The following SLC16A6 variants were observed in gnomAD, a reference collection of about 807,000 sequenced individuals.
SLC16A6 encodes solute carrier family 16 member 6, also known as monocarboxylate transporter 7.
In SLC16A6, 15 loss-of-function variants were observed where a neutral mutation model predicts 33.8. The ratio of observed to expected loss-of-function variants is 0.44; its 90% CI spans 0.30 to 0.68. The LOEUF (loss-of-function observed/expected upper bound fraction) is 0.68, where lower values mean the gene tolerates loss of function less well. Ranked by LOEUF, SLC16A6 falls within the 30% of genes least tolerant of loss-of-function variation. The probability of loss-of-function intolerance (pLI) is 0.10; values close to 1 mark genes in which losing one functional copy is unlikely to be tolerated. For synonymous variants in SLC16A6, 219 were observed against 248.4 expected (o/e 0.88, Z 1.11); for missense variants, 451 against 661.5 (o/e 0.68, Z 3.49).
Position 68,270,977 on chromosome 17 carries a change from T to C in SLC16A6, c.1183A>G (p.Met395Val), listed in dbSNP as rs2075320495. 8 of 1,614,088 alleles carry C rather than the reference T, an allele frequency of 5.0e-6. 1 individual carries two copies. Among genetic ancestry groups the C allele is most frequent in the Non-Finnish European group, 6.8e-6 (8 of 1,180,022 alleles). The stretch of plus-strand genomic sequence containing the variant: ...TGAGTCCCTCCTATTGTTCCAACCA[T>C]AAACCCAAAAAATATGCTGCATGAC... ...LMSCSIFFGF[M>V]VGTIGGTHIP... The change falls in exon 5 of 6, where the codon ATG becomes GTG. Residue 395 changes from methionine (M) to valine (V), a missense_variant. By Grantham distance (21) the Met-to-Val change is conservative. Around this residue, in one of 2 missense-constraint regions of SLC16A6, gnomAD observed 405 missense variants for 510.7 expected, o/e 0.79. Coordinates refer to ENST00000580666, the MANE Select transcript of SLC16A6 (RefSeq NM_004694.5).
chr17:68,280,157 G>A (rs1234298613), intron 1 of SLC16A6, among the ~76,000 whole-genome samples: 2 of 145,526 alleles, frequency 1.4e-5, no homozygotes, highest in Admixed American at 1.4e-4. Flanking sequence ...ACTCCAGCCT[G>A]GGCAATAGAG....
chr17:68,273,722 AAAACCCTT>A (rs1390848896), intron 3 of SLC16A6, among the ~76,000 whole-genome samples, 197 bp downstream of exon 3: 2 of 152,206 alleles, frequency 1.3e-5, no homozygotes, highest in African/African-American at 4.8e-5. Context: ...AGATCAAACA[AAAACCCTT>A]GGGCACTTGA....
chr17:68,289,847 A>C (rs1446547621), intron 1 of SLC16A6, among the ~76,000 whole-genome samples: 1 of 152,136 alleles, frequency 6.6e-6, no homozygotes, highest in African/African-American at 2.4e-5. Context: ...ATTACACTGG[A>C]AGGAGCTTTT....
At chr17:68,283,394 G>A (rs1024123471) in intron 1 of SLC16A6, among the ~76,000 whole-genome samples, 1 of 151,998 alleles carries the variant, frequency 6.6e-6, no homozygotes, top group Non-Finnish European at 1.5e-5. Flanking sequence ...GGTGGCGGGC[G>A]CCTGTAGTCC....
In SLC16A6 at chr17:68,271,453, T is replaced by C; in HGVS notation, c.707A>G (p.Asp236Gly). ...TAGTTCTACTCCTGAGTCAATGGAG[T>C]CTATTGAGGTTCGTGTTTTCTCATT... ...LENEKTRTSI[D>G]SIDSGVELTT... The change falls in exon 5 of 6, where the codon GAC becomes GGC. Residue 236 changes from aspartate (D) to glycine (G), a missense_variant. This residue lies in a region of SLC16A6 where 405 missense variants were observed against 510.7 expected (regional missense o/e 0.79). Transcript: ENST00000580666. This position sits in a 1 kb window ranked among gnomAD's most constrained non-coding sequence, Gnocchi z 5.3. 1.2e-6 allele frequency: 2 copies of C among 1,614,016 alleles called. No homozygotes were observed. Among genetic ancestry groups the C allele is most frequent in the Non-Finnish European group, 1.7e-6 (2 of 1,180,010 alleles).
intron 1 of SLC16A6, among the ~76,000 whole-genome samples, chr17:68,287,187 T>C (rs2075860696): frequency 6.6e-6 from 1 of 151,422 alleles, no homozygotes; most frequent in Admixed American, 6.6e-5. Flanking sequence ...ACCATGTTGG[T>C]CAGGCTGGTC....
Position 68,271,518 on chromosome 17 carries a change from G to A in SLC16A6, c.642C>T (p.Val214=), listed in dbSNP as rs782134895. ...FIRGPASPKI[V]IQENRKEAQY... ...GCGCTTCTTTCCGATTTTCCTGGATGACTATTTTCGGTGACGCTGGTCCTC... is the reference window on the plus strand; with the variant it reads ...GCGCTTCTTTCCGATTTTCCTGGATAACTATTTTCGGTGACGCTGGTCCTC... The change falls in exon 5 of 6, where the codon GTC becomes GTT. Residue 214 remains valine, a synonymous_variant. Transcript: ENST00000580666. This position sits in a 1 kb window ranked among gnomAD's most constrained non-coding sequence, Gnocchi z 5.3. 3 of 1,614,162 alleles carry A rather than the reference G, an allele frequency of 1.9e-6. No homozygotes were observed. The highest frequency in any genetic ancestry group is 2.2e-5 in the South Asian group (2 of 91,060).
intron 1 of SLC16A6, among the ~76,000 whole-genome samples, chr17:68,286,463 C>T (rs2075844535): frequency 6.6e-6 from 1 of 152,192 alleles, no homozygotes; most frequent in Non-Finnish European, 1.5e-5. Flanking sequence ...AATCTCCTGC[C>T]TTCCAGGGCT....
intron 5 of SLC16A6, among the ~76,000 whole-genome samples, chr17:68,270,204 T>A (rs2075291027): frequency 6.6e-6 from 1 of 152,106 alleles, no homozygotes; most frequent in Non-Finnish European, 1.5e-5. Context: ...TCAGGTGGGC[T>A]CTGAAGGTGA....
chr17:68,288,580 C>T (rs1555754901), intron 1 of SLC16A6, among the ~76,000 whole-genome samples: 1 of 152,154 alleles, frequency 6.6e-6, no homozygotes, highest in South Asian at 2.1e-4. Flanking sequence ...CAAATCACTT[C>T]ACTTCCCCAT....
intron 1 of SLC16A6, among the ~76,000 whole-genome samples, chr17:68,282,625 G>A (rs1305256623): frequency 6.6e-6 from 1 of 151,376 alleles, no homozygotes; most frequent in African/African-American, 2.4e-5. Context: ...ATAGGGAGAC[G>A]CTGTCTCTAC....
intron 2 of SLC16A6, chr17:68,274,654 T>C (rs1292446214): frequency 6.6e-6 from 1 of 152,254 alleles, no homozygotes; most frequent in African/African-American, 2.4e-5. Flanking sequence ...ATTAGATATG[T>C]ATTGAATTTA....
rs541350212 is a variant in SLC16A6, at chr17:68,270,414, C to T, written c.1321+425G>A. Among the ~76,000 whole-genome samples the T allele has an allele frequency of 3.9e-5, 6 of 152,124 alleles. No individual in the cohort carries two copies. The South Asian group carries it at 1.0e-3, about 26-fold the overall frequency. ...ACTAAAAATACAAAAATTAGCCAGG[C>T]GTGGTGGTGGGTGCCTGTAGTCCCA... On this transcript the variant is annotated intron_variant, in intron 5 of 5. Coordinates refer to ENST00000580666, the MANE Select transcript of SLC16A6 (RefSeq NM_004694.5).
chr17:68,282,148 A>G (rs797038991), intron 1 of SLC16A6, among the ~76,000 whole-genome samples: 88 of 152,334 alleles, frequency 5.8e-4, no homozygotes, highest in African/African-American at 2.1e-3. Context: ...TGGCACATAT[A>G]TACCATGGAA....
At position 68,274,009 on chromosome 17, in the gene SLC16A6, C is replaced by T. The variant is rs782673365; in HGVS notation, c.294G>A (p.Gly98=). ...FGHRLVVMLG[G]LLVSTGMVAA... is the part of the protein sequence containing the mutation. ...CCACCATCCCGGTGCTGACAAGTAG[C>T]CCCCCCAACATCACTACCAGACGGT... Residue 98 remains glycine (G), a synonymous_variant, in exon 3 of 6, where the codon GGG becomes GGA. Coordinates refer to ENST00000580666, the MANE Select transcript of SLC16A6 (RefSeq NM_004694.5). 6 of 1,613,808 alleles carry T rather than the reference C, an allele frequency of 3.7e-6. No homozygotes were observed. In the South Asian group the frequency reaches 4.4e-5, roughly 12 times the overall value.
intron 2 of SLC16A6, chr17:68,274,355 A>G (rs1404407914): frequency 8.4e-6 from 2 of 239,270 alleles, no homozygotes; most frequent in Non-Finnish European, 8.4e-6. Context: ...AGTCCCAGCT[A>G]CTTGGCAGGC....
chr17:68,291,127 T>C lies in SLC16A6; in HGVS notation c.-49A>G, dbSNP rs2075970017. The C allele has an allele frequency of 6.6e-6, 1 of 152,128 alleles. No individual in the cohort carries two copies. The highest frequency in any genetic ancestry group is 1.9e-4 in the East Asian group (1 of 5,152). The allele number at this position is 152,128 out of a possible 1,614,324, so 9.4% of individuals were successfully genotyped here. On this transcript the variant is annotated 5_prime_UTR_variant, in exon 1 of 6. Coordinates refer to ENST00000580666, the MANE Select transcript of SLC16A6 (RefSeq NM_004694.5). ...AGAATAAACCCCCAAAGGCTCCCAA[T>C]AAGGCGGAGGCTTGGCCTCCCCCTC...
At position 68,274,032 on chromosome 17, in the gene SLC16A6, G is replaced by T; in HGVS notation, c.271C>A (p.Arg91Ser). Residue 91 changes from arginine (R) to serine (S), a missense_variant, in exon 3 of 6, where the codon CGT (arginine) becomes AGT (serine). This residue lies in a region of SLC16A6 where 405 missense variants were observed against 510.7 expected (regional missense o/e 0.79). Transcript: ENST00000580666. ...ATVLSNRFGH[R>S]LVVMLGGLLV... ...AGCCCCCCCAACATCACTACCAGAC[G>T]GTGTCCGAAACGATTGCTCAGGACT... 6.2e-7 allele frequency: 1 copy of T among 1,614,068 alleles called. No individual in the cohort carries two copies. Among genetic ancestry groups the T allele is most frequent in the South Asian group, 1.1e-5 (1 of 91,080 alleles).
chr17:68,271,212 A>C lies in SLC16A6; in HGVS notation c.948T>G (p.Ile316Met), dbSNP rs1555748557. ...LGFFAPSLYI[I>M]PLGISLGIDQ... ...CAATGCCCAGACTAATGCCCAGAGG[A>C]ATGATGTACAAGGAAGGTGCAAAGA... is the stretch of plus-strand genomic sequence containing the variant. Residue 316 changes from isoleucine (I) to methionine (M), a missense_variant, in exon 5 of 6, where the codon ATT (isoleucine) becomes ATG (methionine). Ile to Met is a conservative substitution (Grantham distance 10). Around this residue, in one of 2 missense-constraint regions of SLC16A6, gnomAD observed 405 missense variants for 510.7 expected, o/e 0.79. Coordinates refer to ENST00000580666, the MANE Select transcript of SLC16A6 (RefSeq NM_004694.5). This position sits in a 1 kb window ranked among gnomAD's most constrained non-coding sequence, Gnocchi z 5.3. 1.1e-5 allele frequency: 18 copies of C among 1,614,068 alleles called. No individual in the cohort carries two copies. The highest frequency in any genetic ancestry group is 1.5e-5 in the Non-Finnish European group (18 of 1,180,038).
Sources: allele counts gnomAD v4.1 joint callset (sites outside exome capture counted in the v4.1 genomes callset), GRCh38; gene constraint gnomAD v4.1.1; regional missense constraint gnomAD v4.1.1; non-coding constraint Gnocchi (gnomAD v3.1); transcripts MANE v1.5; gene names NCBI Gene and HGNC (gene_info 2026-07-23, HGNC 2026-07-21).